CCDC192: variants seen among roughly 807,000 people sequenced by gnomAD.
CCDC192 encodes coiled-coil domain-containing protein 192.
intron 6 of CCDC192, among the ~76,000 whole-genome samples, chr5:127,933,793 G>T: frequency 6.6e-6 from 1 of 152,136 alleles, no homozygotes; most frequent in Non-Finnish European, 1.5e-5. Context: ...ATGAATGGGA[G>T]TAATGCTTTA....
chr5:127,925,356 T>C (rs1753835411), intron 6 of CCDC192, among the ~76,000 whole-genome samples: 1 of 143,728 alleles, frequency 7.0e-6, no homozygotes, highest in Admixed American at 7.1e-5. Context: ...TGAAATTGTA[T>C]CTTGATATGA....
chr5:127,768,520 G>A (rs1299953459), intron 3 of CCDC192, among the ~76,000 whole-genome samples: 1 of 152,128 alleles, frequency 6.6e-6, no homozygotes, highest in African/African-American at 2.4e-5. Context: ...CTGACACTTT[G>A]ATCTCAGAAT....
At position 127,868,106 on chromosome 5, in the gene CCDC192, G is replaced by A. The variant is rs538899617; in HGVS notation, c.412-7432G>A. ...TCCCTGTCTATGTATACTACATAAA[G>A]GGGCCAGAGCCCAGTCTTCCCTGGC... On this transcript the variant is annotated intron_variant, in intron 5 of 6. Coordinates refer to ENST00000514853, the MANE Select transcript of CCDC192 (RefSeq NM_001317938.2). Among the ~76,000 whole-genome samples the A allele has an allele frequency of 2.1e-4, 31 of 151,182 alleles. 1 individual carries two copies. Among genetic ancestry groups the A allele is most frequent in the Middle Eastern group, 6.8e-3 (2 of 294 alleles).
chr5:127,806,293 G>T (rs1475226775), intron 5 of CCDC192, among the ~76,000 whole-genome samples: 1 of 152,080 alleles, frequency 6.6e-6, no homozygotes, highest in East Asian at 1.9e-4. Flanking sequence ...GACCCTGGCT[G>T]GCACCCAGGA....
chr5:127,903,457 G>C (rs1753107914), intron 6 of CCDC192, among the ~76,000 whole-genome samples: 1 of 152,184 alleles, frequency 6.6e-6, no homozygotes, highest in African/African-American at 2.4e-5. Context: ...TGGCCAGGCT[G>C]GTCTCAAACT....
intron 6 of CCDC192, among the ~76,000 whole-genome samples, chr5:127,914,689 A>G (rs1006162182): frequency 2.6e-5 from 4 of 152,216 alleles, no homozygotes; most frequent in African/African-American, 9.6e-5. Flanking sequence ...GAGATAGGGT[A>G]CAGTCAATAA....
chr5:127,878,560 G>A (rs887847368), intron 6 of CCDC192, among the ~76,000 whole-genome samples: 2 of 152,200 alleles, frequency 1.3e-5, no homozygotes, highest in African/African-American at 4.8e-5. Context: ...GGAGGCTGAG[G>A]CATGAGAATT....
chr5:127,786,712 T>C, intron 3 of CCDC192: 4 of 734,536 alleles, frequency 5.4e-6, no homozygotes, highest in Non-Finnish European at 2.5e-6. Context: ...AGTACACTCT[T>C]GTCCATCAAA....
chr5:127,827,260 G>A (rs1352873688), intron 5 of CCDC192, among the ~76,000 whole-genome samples: 1 of 152,164 alleles, frequency 6.6e-6, no homozygotes, highest in Non-Finnish European at 1.5e-5. Flanking sequence ...GAAGAGTAAA[G>A]GGAGTAAAGG....
Position 127,861,259 on chromosome 5 carries a change from C to T in CCDC192, c.412-14279C>T, listed in dbSNP as rs563023444. Among the ~76,000 whole-genome samples, 648 of 151,622 alleles carry T rather than the reference C, an allele frequency of 4.3e-3. 2 individuals are homozygous for T. The highest frequency in any genetic ancestry group is 7.5e-3 in the Non-Finnish European group (506 of 67,872). ...CTGACCTCAGGTGATCCGCCTGCCTCGGCCTCCCAAAGTGCTGGGATTATA... is the reference window on the plus strand; with the variant it reads ...CTGACCTCAGGTGATCCGCCTGCCTTGGCCTCCCAAAGTGCTGGGATTATA... On this transcript the variant is annotated intron_variant, in intron 5 of 6. Coordinates refer to ENST00000514853, the MANE Select transcript of CCDC192 (RefSeq NM_001317938.2).
chr5:127,850,119 C>A (rs1197533990), intron 5 of CCDC192, among the ~76,000 whole-genome samples: 1 of 152,200 alleles, frequency 6.6e-6, no homozygotes, highest in East Asian at 1.9e-4. Flanking sequence ...CCGCCTGAAT[C>A]TGTCGCTTCT....
intron 6 of CCDC192, among the ~76,000 whole-genome samples, chr5:127,893,512 T>C (rs767716581): frequency 6.6e-5 from 10 of 152,146 alleles, no homozygotes; most frequent in Non-Finnish European, 1.5e-4. Context: ...CTCCAGTCCG[T>C]AGACCTCTTC....
chr5:127,732,153 G>GA (rs142334613), intron 2 of CCDC192, among the ~76,000 whole-genome samples: 70,724 of 149,914 alleles, frequency 0.47, 17,108 homozygotes, highest in African/African-American at 0.59. Flanking sequence ...AAATGTACAA[G>GA]AAAAAAAAAC....
intron 2 of CCDC192, among the ~76,000 whole-genome samples, chr5:127,751,355 A>G (rs986083694): frequency 9.2e-5 from 14 of 151,760 alleles, no homozygotes; most frequent in African/African-American, 3.4e-4. Flanking sequence ...AAAGTATTTT[A>G]TTTCTCCTTC....
Position 127,774,664 on chromosome 5 carries a change from T to C in CCDC192, c.222+20289T>C, listed in dbSNP as rs753644060. Among the ~76,000 whole-genome samples the C allele has an allele frequency of 5.3e-5, 8 of 152,228 alleles. 1 individual carries two copies. The highest frequency in any genetic ancestry group is 1.2e-4 in the Non-Finnish European group (8 of 68,040). On this transcript the variant is annotated intron_variant, in intron 3 of 6. Transcript: ENST00000514853. ...TATTTGGATTACTGTAGCTTTGTAG[T>C]AAGTTTTGAAATTGGGAAGTGTGAG...
At chr5:127,825,207 A>G (rs762018036) in intron 5 of CCDC192, among the ~76,000 whole-genome samples, 1 of 152,238 alleles carries the variant, frequency 6.6e-6, no homozygotes, top group Non-Finnish European at 1.5e-5. Context: ...ATTAATATAA[A>G]AGCACATCAT....
intron 3 of CCDC192, among the ~76,000 whole-genome samples, chr5:127,767,630 C>G (rs186890133): frequency 6.6e-6 from 1 of 152,208 alleles, no homozygotes; most frequent in Admixed American, 6.5e-5. Context: ...TCATTTCTCT[C>G]TGGTATTCTT....
intron 3 of CCDC192, among the ~76,000 whole-genome samples, chr5:127,789,987 T>C (rs1011096194): frequency 2.6e-5 from 4 of 152,064 alleles, no homozygotes; most frequent in Non-Finnish European, 5.9e-5. Context: ...GGGGGAGAGA[T>C]CACCATTCTG....
intron 6 of CCDC192, among the ~76,000 whole-genome samples, chr5:127,890,139 C>T: frequency 6.6e-6 from 1 of 151,924 alleles, no homozygotes. Context: ...TGTGGTAGGC[C>T]AAGCTGGAGG....
Sources: gnomAD v4.1 joint callset for allele counts (sites outside exome capture counted in the v4.1 genomes callset) on GRCh38, gnomAD v4.1.1 for gene constraint, MANE v1.5 for transcripts, NCBI Gene and HGNC (gene_info 2026-07-23, HGNC 2026-07-21) for gene names.